Variants in CD276 observed in about 807,000 individuals in gnomAD.
CD276 encodes CD276 molecule, also known as CD276 antigen.
In CD276, 34 loss-of-function variants were observed where a neutral mutation model predicts 50.0. That is an observed-to-expected ratio of 0.68 (90% CI 0.52 to 0.91). CD276 has a LOEUF of 0.91. Ranked by LOEUF, CD276 falls within the 40% of genes least tolerant of loss-of-function variation. CD276 has a pLI of 0.00. For synonymous variants in CD276, 275 were observed against 313.0 expected, an observed-to-expected ratio of 0.88 and a Z score of 1.28; for missense variants, 634 against 717.5, an observed-to-expected ratio of 0.88 and a Z score of 1.33.
In CD276 at chr15:73,687,319, T is replaced by C. The variant is rs1899809045; in HGVS notation, c.-55+2859T>C. 6.6e-6 allele frequency among the ~76,000 whole-genome samples: 1 copy of C among 152,014 alleles called. No individual in the cohort carries two copies. Among genetic ancestry groups the C allele is most frequent in the Admixed American group, 6.5e-5 (1 of 15,272 alleles). ...GGGTATCATTAACACCATTGTACAGTTGGGGAAACTGAGGCCCAGAAAGGG... is the reference window on the plus strand; with the variant it reads ...GGGTATCATTAACACCATTGTACAGCTGGGGAAACTGAGGCCCAGAAAGGG... On this transcript the variant is annotated intron_variant, in intron 1 of 9. Transcript: ENST00000318443. This position sits in a 1 kb window ranked among gnomAD's most constrained non-coding sequence, Gnocchi z 4.0.
At chr15:73,701,733 AAAAAAAAG>A (rs1200645452) in intron 2 of CD276, among the ~76,000 whole-genome samples, 2 of 152,028 alleles carry the variant, frequency 1.3e-5, no homozygotes, top group Non-Finnish European at 2.9e-5. Flanking sequence ...TAGGAAAAGA[AAAAAAAAG>A]AAAAAAAGAA....
intron 1 of CD276, among the ~76,000 whole-genome samples, chr15:73,695,996 G>C (rs1324348262): frequency 6.6e-6 from 1 of 152,222 alleles, no homozygotes; most frequent in Non-Finnish European, 1.5e-5. Flanking sequence ...ATTTGTTGTA[G>C]CTTTCTGAGG....
chr15:73,688,532 T>C (rs1275919673), intron 1 of CD276, among the ~76,000 whole-genome samples: 1 of 152,222 alleles, frequency 6.6e-6, no homozygotes, highest in East Asian at 1.9e-4. Context: ...GAGCTCATGC[T>C]GTACCCTGGG....
intron 2 of CD276, 26 bp from the exon 3 acceptor site, chr15:73,702,229 A>T (rs751343139): frequency 1.7e-4 from 267 of 1,558,068 alleles, no homozygotes; most frequent in Non-Finnish European, 2.3e-4. Flanking sequence ...TCCCCCTTAT[A>T]TGTTCTCCAC....
At chr15:73,705,483 TTC>T (rs948551840) in intron 6 of CD276, among the ~76,000 whole-genome samples, 5 of 152,076 alleles carry the variant, frequency 3.3e-5, no homozygotes, top group Admixed American at 2.6e-4. Flanking sequence ...TCACTCCTCC[TTC>T]TCTCTTACGT....
intron 1 of CD276, among the ~76,000 whole-genome samples, chr15:73,685,278 C>A (rs903488146): frequency 2.0e-5 from 3 of 151,972 alleles, no homozygotes; most frequent in Non-Finnish European, 4.4e-5. Flanking sequence ...TGAATTCCAG[C>A]GCCCAGGGCC....
intron 1 of CD276, chr15:73,690,694 A>G (rs530363516): frequency 2.2e-6 from 1 of 456,018 alleles, no homozygotes; most frequent in East Asian, 7.0e-5. Context: ...ATACTGTTAC[A>G]GTGGCAATTA....
At chr15:73,689,577 T>A (rs2141535680) in intron 1 of CD276, among the ~76,000 whole-genome samples, 1 of 152,274 alleles carries the variant, frequency 6.6e-6, no homozygotes, top group African/African-American at 2.4e-5. Flanking sequence ...ATTAACTAGG[T>A]CAGTTTTGAT....
At chr15:73,705,313 C>T (rs1485962159) in intron 6 of CD276, among the ~76,000 whole-genome samples, 2 of 152,176 alleles carry the variant, frequency 1.3e-5, no homozygotes, top group Non-Finnish European at 2.9e-5. Flanking sequence ...TCCATCTGCC[C>T]CTCAGCCCAT....
chr15:73,703,188 C>A, intron 4 of CD276, 102 bp downstream of exon 4: 1 of 1,321,692 alleles, frequency 7.6e-7, no homozygotes, highest in Non-Finnish European at 1.0e-6. Flanking sequence ...CCCAGAACAG[C>A]AAGTTGCCTC....
intron 2 of CD276, among the ~76,000 whole-genome samples, chr15:73,701,681 G>C (rs1900394104): frequency 6.6e-6 from 1 of 151,870 alleles, no homozygotes; most frequent in Non-Finnish European, 1.5e-5. Flanking sequence ...ATATTTAAAG[G>C]TACGGGTATT....
Position 73,687,640 on chromosome 15 carries a change from C to T in CD276, c.-55+3180C>T, listed in dbSNP as rs539564173. The stretch of plus-strand genomic sequence containing the variant: ...AGCCCTGGACTTTATCATGCTGGGG[C>T]TTCCAGGAGTTCCCCCTCCACCCTC... On this transcript the variant is annotated intron_variant, in intron 1 of 9. Transcript: ENST00000318443. This position sits in a 1 kb window ranked among gnomAD's most constrained non-coding sequence, Gnocchi z 4.0. 6.6e-6 allele frequency among the ~76,000 whole-genome samples: 1 copy of T among 152,284 alleles called. No homozygotes were observed. The highest frequency in any genetic ancestry group is 1.9e-4 in the East Asian group (1 of 5,186).
intron 1 of CD276, among the ~76,000 whole-genome samples, chr15:73,685,453 T>TTGTG (rs55859831): frequency 0.052 from 6,799 of 131,776 alleles, 279 homozygotes; most frequent in East Asian, 0.24. Flanking sequence ...CAAAAAAGAT[T>TTGTG]TGTGTGTGTG....
At chr15:73,695,118 C>T (rs1261231823) in intron 1 of CD276, among the ~76,000 whole-genome samples, 2 of 152,156 alleles carry the variant, frequency 1.3e-5, no homozygotes, top group Non-Finnish European at 2.9e-5. Context: ...ACTGGTTAAG[C>T]CTTAAGGATA....
chr15:73,704,041 A>T lies in CD276; in HGVS notation c.1072+44A>T. On this transcript the variant is annotated intron_variant, in intron 5 of 9. Coordinates refer to ENST00000318443, the MANE Select transcript of CD276 (RefSeq NM_001024736.2). This position sits in a 1 kb window ranked among gnomAD's most constrained non-coding sequence, Gnocchi z 4.1. ...ACGCCTTCCCCTTGGTTCACCCTCC[A>T]TTCCCTCTGCAGCCCACCCTCTGCT... 1 of 1,583,836 alleles carries T rather than the reference A, an allele frequency of 6.3e-7. No homozygotes were observed. Among genetic ancestry groups the T allele is most frequent in the Non-Finnish European group, 8.6e-7 (1 of 1,165,564 alleles).
At position 73,703,738 on chromosome 15, in the gene CD276, C is replaced by T; in HGVS notation, c.813C>T (p.Ser271=). 1 of 1,613,522 alleles carries T rather than the reference C, an allele frequency of 6.2e-7. No individual in the cohort carries two copies. The highest frequency in any genetic ancestry group is 8.5e-7 in the Non-Finnish European group (1 of 1,180,006). ...ATGCCACCCTGCGCTGCTCCTTCTC[C>T]CCCGAGCCTGGCTTCAGCCTGGCAC... ...GTDATLRCSF[S]PEPGFSLAQL... is the part of the protein sequence containing the mutation. Residue 271 remains serine, a synonymous_variant, in exon 5 of 10, where the codon TCC becomes TCT. Transcript: ENST00000318443.
chr15:73,708,657 CCTGT>C (rs1391889381), intron 7 of CD276, 184 bp downstream of exon 7: 14 of 659,004 alleles, frequency 2.1e-5, no homozygotes, highest in East Asian at 1.1e-4. Context: ...CAAGCGTGAG[CCTGT>C]CTGTCCATGT....
intron 1 of CD276, among the ~76,000 whole-genome samples, chr15:73,692,861 C>T (rs1302407887): frequency 1.1e-4 from 17 of 152,180 alleles, no homozygotes; most frequent in Admixed American, 8.5e-4. Flanking sequence ...AACAACAGAT[C>T]GATAATCTTG....
At chr15:73,689,153 A>AT (rs1899878911) in intron 1 of CD276, among the ~76,000 whole-genome samples, 1 of 150,286 alleles carries the variant, frequency 6.7e-6, no homozygotes, top group Admixed American at 6.6e-5. Flanking sequence ...TCTGGGCCCA[A>AT]TGTAGCTTTC....
Sources: allele counts gnomAD v4.1 joint callset (sites outside exome capture counted in the v4.1 genomes callset), GRCh38; gene constraint gnomAD v4.1.1; non-coding constraint Gnocchi (gnomAD v3.1); transcripts MANE v1.5; gene names NCBI Gene and HGNC (gene_info 2026-07-23, HGNC 2026-07-21).